Variants in DACH2 observed in about 807,000 individuals in gnomAD.
DACH2 encodes dachshund family transcription factor 2.
A neutral mutation model predicts 35.8 loss-of-function variants in DACH2; 17 were observed. The observed-to-expected ratio is 0.48, with a 90% CI of 0.33 to 0.71. The LOEUF is 0.71. Ranked by LOEUF, DACH2 falls within the 30% of genes least tolerant of loss-of-function variation. The probability of loss-of-function intolerance (pLI) is 0.02; values close to 1 mark genes in which losing one functional copy is unlikely to be tolerated. For synonymous variants in DACH2, 195 were observed against 177.3 expected (o/e 1.10, Z -0.79); for missense variants, 469 against 472.7 (o/e 0.99, Z 0.07).
chrX:86,237,073 T>C (rs1283455443), intron 1 of DACH2, among the ~76,000 whole-genome samples: 1 of 112,094 alleles, frequency 8.9e-6, no homozygotes, highest in East Asian at 2.8e-4. Flanking sequence ...GTTTAAACTT[T>C]CTTGTTAAAA....
At chrX:86,548,566 T>G (rs953770891) in intron 3 of DACH2, among the ~76,000 whole-genome samples, 1 of 111,894 alleles carries the variant, frequency 8.9e-6, no homozygotes, top group Non-Finnish European at 1.9e-5. Flanking sequence ...ATTTTATGCT[T>G]ATTAACAGTC....
In DACH2 at chrX:86,785,069, C is replaced by A. The variant is rs182607621; in HGVS notation, c.1241-27787C>A. ...GGGGTGAAATCATCTGCACTCCAAA[C>A]CCCCATGACATGCAATTTACCTGTA... On this transcript the variant is annotated intron_variant, in intron 7 of 11. Transcript: ENST00000373125. 1.6e-4 allele frequency among the ~76,000 whole-genome samples: 18 copies of A among 110,744 alleles called. No homozygotes were observed. The East Asian group carries it at 4.0e-3, about 25-fold the overall frequency.
At chrX:86,480,007 G>T (rs1602566682) in intron 2 of DACH2, among the ~76,000 whole-genome samples, 1 of 112,362 alleles carries the variant, frequency 8.9e-6, no homozygotes, top group African/African-American at 3.2e-5. Context: ...GTGAGGTTGT[G>T]CTTTCCTGGA....
At chrX:86,246,001 A>T (rs2033274027) in intron 1 of DACH2, among the ~76,000 whole-genome samples, 1 of 111,866 alleles carries the variant, frequency 8.9e-6, no homozygotes, top group South Asian at 3.7e-4. Flanking sequence ...TGAAAAATAA[A>T]CTACAGGAAT....
intron 1 of DACH2, chrX:86,160,367 T>C: frequency 1.3e-6 from 1 of 773,556 alleles, no homozygotes. Flanking sequence ...CAGAGGAGGA[T>C]AGTCTGAGAA....
chrX:86,614,657 A>G (rs2039984078), intron 3 of DACH2, among the ~76,000 whole-genome samples: 1 of 111,265 alleles, frequency 9.0e-6, no homozygotes, highest in Non-Finnish European at 1.9e-5. Context: ...AGAGCTGGCC[A>G]CTGCTATTTA....
At chrX:86,505,713 G>A (rs1177352696) in intron 2 of DACH2, among the ~76,000 whole-genome samples, 1 of 111,657 alleles carries the variant, frequency 9.0e-6, no homozygotes, top group Non-Finnish European at 1.9e-5. Flanking sequence ...AAATGCTATG[G>A]CATTTTGCAC....
intron 1 of DACH2, among the ~76,000 whole-genome samples, chrX:86,368,692 A>G (rs1017506925): frequency 1.8e-5 from 2 of 108,723 alleles, no homozygotes; most frequent in Non-Finnish European, 3.8e-5. Context: ...CCTCCTGAGT[A>G]TCTAGGACTA....
At chrX:86,517,663 C>T (rs1602600809) in intron 3 of DACH2, among the ~76,000 whole-genome samples, 1 of 110,924 alleles carries the variant, frequency 9.0e-6, no homozygotes, top group South Asian at 3.8e-4. Flanking sequence ...CACGATCCAC[C>T]CACCTCAGCC....
intron 3 of DACH2, among the ~76,000 whole-genome samples, chrX:86,584,070 GT>G (rs1309513212): frequency 6.3e-5 from 7 of 110,262 alleles, no homozygotes; most frequent in African/African-American, 6.6e-5. Flanking sequence ...CCGGAGATTT[GT>G]TTTTTGAAAA....
chrX:86,384,946 T>C (rs762504531), intron 2 of DACH2, among the ~76,000 whole-genome samples: 6 of 111,783 alleles, frequency 5.4e-5, no homozygotes, highest in Non-Finnish European at 1.1e-4. Context: ...GTGAACTGAT[T>C]TATCATTATA....
At chrX:86,155,280 C>G (rs1212241090) in intron 1 of DACH2, among the ~76,000 whole-genome samples, 2 of 110,506 alleles carry the variant, frequency 1.8e-5, no homozygotes, top group African/African-American at 6.6e-5. Flanking sequence ...AGAAAGGAGA[C>G]AGCCTGTCCA....
Position 86,478,316 on chromosome X carries a change from G to C in DACH2, c.528-35963G>C, listed in dbSNP as rs2037880167. Among the ~76,000 whole-genome samples, 3 of 110,894 alleles carry C rather than the reference G, an allele frequency of 2.7e-5. No individual in the cohort carries two copies. In the South Asian group the frequency reaches 1.1e-3, roughly 42 times the overall value. On this transcript the variant is annotated intron_variant, in intron 2 of 11. Transcript: ENST00000373125. Reference sequence around the variant, plus strand: ...GTGTTGACGAAATCCCTCAGCTTTTGTTTGTTTAGGAAAGTCTTTATTTCT... The same window carrying C: ...GTGTTGACGAAATCCCTCAGCTTTTCTTTGTTTAGGAAAGTCTTTATTTCT...
At chrX:86,377,934 C>T (rs1169140410) in intron 2 of DACH2, among the ~76,000 whole-genome samples, 1 of 110,353 alleles carries the variant, frequency 9.1e-6, no homozygotes, top group Non-Finnish European at 1.9e-5. Context: ...CCTTAAGTGC[C>T]AAACTTTCTA....
At chrX:86,161,206 C>A (rs2030742724) in intron 1 of DACH2, 1 of 1,181,526 alleles carries the variant, frequency 8.5e-7, no homozygotes, top group East Asian at 3.0e-5. Context: ...TTAACACCAA[C>A]AATTAGTTGT....
chrX:86,590,164 G>T (rs1049821155), intron 3 of DACH2, among the ~76,000 whole-genome samples: 1 of 111,811 alleles, frequency 8.9e-6, no homozygotes, highest in African/African-American at 3.3e-5. Flanking sequence ...GAGGCTCAGT[G>T]ACACTGTTTA....
intron 2 of DACH2, among the ~76,000 whole-genome samples, chrX:86,473,246 G>A (rs778221883): frequency 1.8e-5 from 2 of 110,611 alleles, no homozygotes; most frequent in East Asian, 5.7e-4. Context: ...TGGGTACATA[G>A]TAAGTATATA....
intron 2 of DACH2, among the ~76,000 whole-genome samples, chrX:86,443,237 A>T (rs773926391): frequency 9.0e-6 from 1 of 111,611 alleles, no homozygotes; most frequent in Non-Finnish European, 1.9e-5. Flanking sequence ...AATATCTTTC[A>T]TCAATATTTT....
At chrX:86,547,524 AACACAC>A (rs751559427) in intron 3 of DACH2, among the ~76,000 whole-genome samples, 3,706 of 90,765 alleles carry the variant, frequency 0.041, 147 homozygotes, top group African/African-American at 0.1. Flanking sequence ...CGTGCTGCAG[AACACAC>A]ACACACACAC....
Sources: allele counts gnomAD v4.1 joint callset (sites outside exome capture counted in the v4.1 genomes callset), GRCh38; gene constraint gnomAD v4.1.1; transcripts MANE v1.5; gene names NCBI Gene and HGNC (gene_info 2026-07-23, HGNC 2026-07-21).